The following SLIT2 variants were observed in gnomAD, a reference collection of about 807,000 sequenced individuals.
SLIT2 encodes the protein slit homolog 2 protein.
SLIT2 carries 41 observed loss-of-function variants against 185.7 expected under a neutral mutation model. The observed-to-expected ratio is 0.22, with a 90% CI of 0.17 to 0.29. SLIT2 has a LOEUF of 0.29. Ranked by LOEUF, SLIT2 falls within the 10% of genes least tolerant of loss-of-function variation. The probability of loss-of-function intolerance (pLI) is 1.00; values close to 1 mark genes in which losing one functional copy is unlikely to be tolerated. For missense variants in SLIT2, 1,571 were observed against 1,909.0 expected (o/e 0.82, Z 3.30); for synonymous variants, 693 against 680.2 (o/e 1.02, Z -0.29).
intron 11 of SLIT2, among the ~76,000 whole-genome samples, chr4:20,519,028 ATTC>A (rs1184579081): frequency 1.1e-4 from 16 of 152,128 alleles, no homozygotes; most frequent in African/African-American, 3.1e-4. Flanking sequence ...TACACTTAGC[ATTC>A]TTCTTTGTCA....
At chr4:20,453,284 A>G (rs1712680289) in intron 4 of SLIT2, among the ~76,000 whole-genome samples, 1 of 152,186 alleles carries the variant, frequency 6.6e-6, no homozygotes, top group Non-Finnish European at 1.5e-5. Flanking sequence ...TAAAGTATTT[A>G]TTGATAATGA....
intron 11 of SLIT2, among the ~76,000 whole-genome samples, chr4:20,515,955 A>G (rs1372320999): frequency 6.6e-6 from 1 of 152,158 alleles, no homozygotes; most frequent in Non-Finnish European, 1.5e-5. Flanking sequence ...AGCTGGGATT[A>G]CAGGCGCCTG....
At position 20,452,081 on chromosome 4, in the gene SLIT2, C is replaced by T. The variant is rs574809910; in HGVS notation, c.396-15671C>T. 2.3e-4 allele frequency among the ~76,000 whole-genome samples: 35 copies of T among 152,248 alleles called. No individual in the cohort carries two copies. The East Asian group carries it at 6.8e-3, about 29-fold the overall frequency. ...GTTTTAATTGCAAAACTTTTTGTTCCACAAGATAAAGAAGCATTTGTGCAA... is the reference window on the plus strand; with the variant it reads ...GTTTTAATTGCAAAACTTTTTGTTCTACAAGATAAAGAAGCATTTGTGCAA... On this transcript the variant is annotated intron_variant, in intron 4 of 36. Coordinates refer to ENST00000504154, the MANE Select transcript of SLIT2 (RefSeq NM_004787.4).
At chr4:20,358,595 A>G (rs1722514830) in intron 4 of SLIT2, among the ~76,000 whole-genome samples, 1 of 152,030 alleles carries the variant, frequency 6.6e-6, no homozygotes, top group South Asian at 2.1e-4. Context: ...TGCTTTACAT[A>G]TTTTATCTCA....
intron 4 of SLIT2, among the ~76,000 whole-genome samples, chr4:20,325,019 T>C (rs1719439494): frequency 1.3e-5 from 2 of 152,010 alleles, no homozygotes; most frequent in African/African-American, 4.8e-5. Context: ...AGGCAGGCTT[T>C]TTCTCACCCT....
chr4:20,463,761 A>G (rs1714041433), intron 4 of SLIT2, among the ~76,000 whole-genome samples: 1 of 150,736 alleles, frequency 6.6e-6, no homozygotes, highest in South Asian at 2.1e-4. Context: ...CTGTAGTCCC[A>G]GCTACTTGGG....
chr4:20,434,109 G>A (rs745830373), intron 4 of SLIT2, among the ~76,000 whole-genome samples: 7 of 152,090 alleles, frequency 4.6e-5, no homozygotes, highest in Non-Finnish European at 1.0e-4. Context: ...GGCCGTCATC[G>A]GGGGAAGGCA....
chr4:20,592,775 A>AATT (rs1285527846), intron 30 of SLIT2, among the ~76,000 whole-genome samples: 1 of 152,120 alleles, frequency 6.6e-6, no homozygotes, highest in East Asian at 1.9e-4. Context: ...TCTCTTTGAG[A>AATT]ATGTATATGG....
chr4:20,455,868 T>G (rs1472239444), intron 4 of SLIT2, among the ~76,000 whole-genome samples: 1 of 152,176 alleles, frequency 6.6e-6, no homozygotes, highest in East Asian at 1.9e-4. Flanking sequence ...TTGTGAAGAT[T>G]TGATGTTTTA....
At chr4:20,363,164 T>G (rs969722893) in intron 4 of SLIT2, among the ~76,000 whole-genome samples, 7 of 152,132 alleles carry the variant, frequency 4.6e-5, no homozygotes, top group Non-Finnish European at 7.4e-5. Context: ...ACAAGTAATA[T>G]AGACTAAACA....
At chr4:20,338,694 T>C (rs1233395754) in intron 4 of SLIT2, among the ~76,000 whole-genome samples, 1 of 152,200 alleles carries the variant, frequency 6.6e-6, no homozygotes, top group South Asian at 2.1e-4. Context: ...AAAATGAATG[T>C]ACTGCTGGGA....
chr4:20,570,743 A>G (rs866299352), intron 29 of SLIT2, among the ~76,000 whole-genome samples: 113 of 130,558 alleles, frequency 8.7e-4, no homozygotes, highest in African/African-American at 3.1e-3. Flanking sequence ...ATATATATAT[A>G]TATATATATA....
intron 5 of SLIT2, among the ~76,000 whole-genome samples, chr4:20,472,018 T>G (rs1375698717): frequency 6.6e-6 from 1 of 151,712 alleles, no homozygotes; most frequent in Non-Finnish European, 1.5e-5. Flanking sequence ...GCTGTGAGAA[T>G]AGCAAGGTCA....
intron 4 of SLIT2, among the ~76,000 whole-genome samples, chr4:20,404,308 G>A (rs1726596967): frequency 6.6e-6 from 1 of 151,954 alleles, no homozygotes. Context: ...CTAGAACACT[G>A]TTCAATTTGT....
chr4:20,502,238 A>G (rs1718808789), intron 9 of SLIT2, among the ~76,000 whole-genome samples: 1 of 152,240 alleles, frequency 6.6e-6, no homozygotes, highest in Admixed American at 6.5e-5. Context: ...AAGAAATATT[A>G]AAATAAGCAC....
intron 4 of SLIT2, among the ~76,000 whole-genome samples, chr4:20,333,172 G>T (rs901606721): frequency 6.6e-6 from 1 of 152,088 alleles, no homozygotes; most frequent in Non-Finnish European, 1.5e-5. Flanking sequence ...AAGCCGTTAA[G>T]CTTTATAGCG....
intron 2 of SLIT2, among the ~76,000 whole-genome samples, chr4:20,256,984 T>A (rs573609516): frequency 6.4e-4 from 98 of 152,244 alleles, no homozygotes; most frequent in African/African-American, 2.3e-3. Context: ...ATCTTTGTTA[T>A]ACCATACCCT....
intron 4 of SLIT2, among the ~76,000 whole-genome samples, chr4:20,359,660 G>T (rs1434791116): frequency 1.3e-5 from 2 of 151,948 alleles, no homozygotes; most frequent in Admixed American, 6.6e-5. Context: ...CAGAAATGTT[G>T]AATCAGTACA....
chr4:20,473,866 G>A (rs1331175680), intron 5 of SLIT2, among the ~76,000 whole-genome samples: 1 of 151,978 alleles, frequency 6.6e-6, no homozygotes, highest in African/African-American at 2.4e-5. Flanking sequence ...ACCTCATTAG[G>A]TTTGTCATAT....
Sources: allele counts gnomAD v4.1 joint callset (sites outside exome capture counted in the v4.1 genomes callset), GRCh38; gene constraint gnomAD v4.1.1; transcripts MANE v1.5; gene names NCBI Gene and HGNC (gene_info 2026-07-23, HGNC 2026-07-21).